PRKCA: variants seen among roughly 807,000 people sequenced by gnomAD.
PRKCA encodes the protein protein kinase C alpha type.
Under a neutral mutation model 87.0 loss-of-function variants are expected in PRKCA, and 27 were observed. That is an observed-to-expected ratio of 0.31 (90% CI 0.23 to 0.43). PRKCA has a LOEUF of 0.43. Among genes scored for constraint, PRKCA ranks in the 20% least tolerant of loss-of-function variants. The pLI is 1.00. For synonymous variants in PRKCA, 329 were observed against 311.1 expected, an observed-to-expected ratio of 1.06 and a Z score of -0.61; for missense variants, 518 against 852.3, an observed-to-expected ratio of 0.61 and a Z score of 4.88.
intron 3 of PRKCA, among the ~76,000 whole-genome samples, chr17:66,593,961 T>G (rs981011277): frequency 2.0e-5 from 3 of 152,218 alleles, no homozygotes; most frequent in African/African-American, 7.2e-5. Context: ...GGCGGCTGCC[T>G]GTAATCCCAG....
chr17:66,569,933 A>G (rs1946483423), intron 3 of PRKCA, among the ~76,000 whole-genome samples: 1 of 152,112 alleles, frequency 6.6e-6, no homozygotes, highest in South Asian at 2.1e-4. Context: ...TGTGTACCCC[A>G]AAAGTCATGC....
At chr17:66,763,997 G>A (rs1365572694) in intron 13 of PRKCA, among the ~76,000 whole-genome samples, 1 of 152,168 alleles carries the variant, frequency 6.6e-6, no homozygotes, top group East Asian at 1.9e-4. Flanking sequence ...GCTGTCTAGG[G>A]AACCCCACTG....
chr17:66,435,104 G>C (rs1029399658), intron 2 of PRKCA, among the ~76,000 whole-genome samples: 2 of 152,210 alleles, frequency 1.3e-5, no homozygotes, highest in Non-Finnish European at 2.9e-5. Flanking sequence ...TCAAATGCCA[G>C]GCTTTTACCA....
At chr17:66,329,115 A>T (rs969696735) in intron 2 of PRKCA, among the ~76,000 whole-genome samples, 1 of 152,176 alleles carries the variant, frequency 6.6e-6, no homozygotes, top group African/African-American at 2.4e-5. Flanking sequence ...CTGGTGAGAG[A>T]CTTGGTTCCA....
intron 2 of PRKCA, among the ~76,000 whole-genome samples, chr17:66,351,269 G>A (rs1014516517): frequency 3.3e-5 from 5 of 152,202 alleles, no homozygotes; most frequent in Admixed American, 6.5e-5. Flanking sequence ...GGCTATGGGC[G>A]CGTGCCAACT....
intron 2 of PRKCA, among the ~76,000 whole-genome samples, chr17:66,316,368 A>T (rs1383651003): frequency 6.6e-6 from 1 of 152,208 alleles, no homozygotes; most frequent in Non-Finnish European, 1.5e-5. Flanking sequence ...CTGTATCTAC[A>T]TGTAGAAGAT....
chr17:66,403,818 G>T (rs73333306), intron 2 of PRKCA: 1 of 152,198 alleles, frequency 6.6e-6, no homozygotes, highest in Non-Finnish European at 1.5e-5. Context: ...AAAATCAGAG[G>T]TTTAAATGTA....
chr17:66,386,711 A>T lies in PRKCA; in HGVS notation c.205+80584A>T, dbSNP rs1910080838. Among the ~76,000 whole-genome samples the T allele has an allele frequency of 2.0e-5, 3 of 152,112 alleles. No homozygotes were observed. The South Asian group carries it at 6.2e-4, about 32-fold the overall frequency. ...CTGGTTCAAAAAATGTACAATTCAA[A>T]TTTTGGTGGATACTCCCTGTTGCCC... is the stretch of plus-strand genomic sequence containing the variant. On this transcript the variant is annotated intron_variant, in intron 2 of 16. Coordinates refer to ENST00000413366, the MANE Select transcript of PRKCA (RefSeq NM_002737.3).
At chr17:66,624,624 A>T (rs2143710490) in intron 3 of PRKCA, among the ~76,000 whole-genome samples, 1 of 152,090 alleles carries the variant, frequency 6.6e-6, no homozygotes, top group East Asian at 1.9e-4. Context: ...AACGTGGTGA[A>T]ACCCCCTCTC....
At chr17:66,424,141 C>T (rs951443654) in intron 2 of PRKCA, among the ~76,000 whole-genome samples, 17 of 152,148 alleles carry the variant, frequency 1.1e-4, no homozygotes, top group Non-Finnish European at 1.9e-4. Flanking sequence ...GGCTTTGTCT[C>T]AGCTTGCACT....
At position 66,549,733 on chromosome 17, in the gene PRKCA, T is replaced by A. The variant is rs1268961914; in HGVS notation, c.288+53450T>A. On this transcript the variant is annotated intron_variant, in intron 3 of 16. Transcript: ENST00000413366. ...GAGAGGAGTAAAAAAAGACACTGAT[T>A]TTTCCATTCTAGAAATTTTATTTCT... 2.0e-5 allele frequency among the ~76,000 whole-genome samples: 3 copies of A among 152,202 alleles called. No individual in the cohort carries two copies. In the East Asian group the frequency reaches 5.8e-4, roughly 29 times the overall value.
Position 66,569,248 on chromosome 17 carries a change from A to G in PRKCA, c.289-72107A>G, listed in dbSNP as rs528953054. Among the ~76,000 whole-genome samples the G allele has an allele frequency of 2.0e-4, 31 of 152,244 alleles. No homozygotes were observed. In the South Asian group the frequency reaches 6.2e-3, roughly 31 times the overall value. Reference sequence around the variant, plus strand: ...TTGGGGGAAGATATTTGCTACACTTATACCTGTTAAAGGGCTTGTGTCCTG... The same window carrying G: ...TTGGGGGAAGATATTTGCTACACTTGTACCTGTTAAAGGGCTTGTGTCCTG... On this transcript the variant is annotated intron_variant, in intron 3 of 16. Coordinates refer to ENST00000413366, the MANE Select transcript of PRKCA (RefSeq NM_002737.3).
In PRKCA at chr17:66,309,563, A is replaced by T. The variant is rs148320022; in HGVS notation, c.205+3436A>T. Among the ~76,000 whole-genome samples the T allele has an allele frequency of 5.3e-3, 801 of 152,328 alleles. 11 individuals are homozygous for T. The highest frequency in any genetic ancestry group is 0.019 in the African/African-American group (772 of 41,582). On this transcript the variant is annotated intron_variant, in intron 2 of 16. Coordinates refer to ENST00000413366, the MANE Select transcript of PRKCA (RefSeq NM_002737.3). ...GCCTGAAACGGTGAAACCAAGGGCC[A>T]TTCTTCTGGGGAGGAGAAAGATGAG...
intron 2 of PRKCA, among the ~76,000 whole-genome samples, chr17:66,342,074 G>A (rs1907071031): frequency 6.6e-6 from 1 of 152,174 alleles, no homozygotes; most frequent in Non-Finnish European, 1.5e-5. Flanking sequence ...ACACACCAGC[G>A]ACTAAGTCAG....
chr17:66,785,786 C>T (rs1021869983), intron 14 of PRKCA, among the ~76,000 whole-genome samples: 2 of 152,210 alleles, frequency 1.3e-5, no homozygotes, highest in African/African-American at 4.8e-5. Context: ...AAATACAAGG[C>T]ACTTTACTCC....
At chr17:66,574,900 G>A (rs1969188882) in intron 3 of PRKCA, among the ~76,000 whole-genome samples, 1 of 152,284 alleles carries the variant, frequency 6.6e-6, no homozygotes, top group Admixed American at 6.5e-5. Flanking sequence ...ATATACTGTA[G>A]TAAAAGTTAT....
chr17:66,780,755 A>C (rs1018681991), intron 14 of PRKCA, among the ~76,000 whole-genome samples: 2 of 152,190 alleles, frequency 1.3e-5, no homozygotes, highest in African/African-American at 4.8e-5. Flanking sequence ...GGTAAAGGGA[A>C]TGGGGATGCT....
chr17:66,517,371 G>A (rs970446303), intron 3 of PRKCA, among the ~76,000 whole-genome samples: 2 of 151,642 alleles, frequency 1.3e-5, no homozygotes, highest in Non-Finnish European at 2.9e-5. Context: ...TCCCCTCCTC[G>A]CCCCCAATTC....
chr17:66,477,621 A>C (rs1204176457), intron 2 of PRKCA, among the ~76,000 whole-genome samples: 7 of 152,100 alleles, frequency 4.6e-5, no homozygotes, highest in Non-Finnish European at 5.9e-5. Context: ...AATTGCTTGA[A>C]CCTGGGAGAC....
Sources: gnomAD v4.1 joint callset for allele counts (sites outside exome capture counted in the v4.1 genomes callset) on GRCh38, gnomAD v4.1.1 for gene constraint, MANE v1.5 for transcripts, NCBI Gene and HGNC (gene_info 2026-07-23, HGNC 2026-07-21) for gene names.